Variants in PIK3AP1 observed in about 807,000 individuals in gnomAD.
PIK3AP1 encodes phosphoinositide 3-kinase adapter protein 1.
In PIK3AP1, 21 loss-of-function variants were observed where a neutral mutation model predicts 88.1. That is an observed-to-expected ratio of 0.24 (90% CI 0.17 to 0.34). The LOEUF is 0.34. Ranked by LOEUF, PIK3AP1 falls within the 10% of genes least tolerant of loss-of-function variation. The probability of loss-of-function intolerance (pLI) is 1.00; values close to 1 mark genes in which losing one functional copy is unlikely to be tolerated. For synonymous variants in PIK3AP1, 398 were observed against 400.0 expected, an observed-to-expected ratio of 1.00 and a Z score of 0.06; for missense variants, 828 against 1,035.7, an observed-to-expected ratio of 0.80 and a Z score of 2.75.
chr10:96,601,300 C>T (rs1461835370), intron 16 of PIK3AP1, among the ~76,000 whole-genome samples: 1 of 151,664 alleles, frequency 6.6e-6, no homozygotes, highest in African/African-American at 2.4e-5. Flanking sequence ...ATGGCGAAAC[C>T]CTGTCTCTAC....
At chr10:96,609,603 G>A (rs551430129) in intron 14 of PIK3AP1, 109 bp downstream of exon 14, 2 of 1,311,942 alleles carry the variant, frequency 1.5e-6, no homozygotes, top group African/African-American at 3.0e-5. Context: ...ACCCAAACCA[G>A]GCCCCACTGG....
chr10:96,641,098 T>C (rs942404681), intron 8 of PIK3AP1, among the ~76,000 whole-genome samples: 1 of 120,498 alleles, frequency 8.3e-6, no homozygotes, highest in African/African-American at 2.6e-5. Flanking sequence ...TGTGTGTGTG[T>C]GTGTGTGTGT....
At chr10:96,665,234 T>A (rs1336881858) in intron 2 of PIK3AP1, among the ~76,000 whole-genome samples, 1 of 152,250 alleles carries the variant, frequency 6.6e-6, no homozygotes, top group African/African-American at 2.4e-5. Context: ...TGTGTGCATC[T>A]GGTTCTTCAA....
chr10:96,622,003 C>T (rs565661992), intron 11 of PIK3AP1, among the ~76,000 whole-genome samples: 1 of 152,282 alleles, frequency 6.6e-6, no homozygotes, highest in East Asian at 1.9e-4. Flanking sequence ...AAATCCATAC[C>T]CAGAAGAGAA....
intron 2 of PIK3AP1, among the ~76,000 whole-genome samples, chr10:96,663,149 T>A (rs933378099): frequency 2.6e-5 from 4 of 152,020 alleles, no homozygotes; most frequent in Non-Finnish European, 5.9e-5. Context: ...TTGGCAGGAT[T>A]GTGGGACAAT....
intron 2 of PIK3AP1, among the ~76,000 whole-genome samples, chr10:96,688,318 CGA>C (rs1233610730): frequency 9.9e-5 from 15 of 151,930 alleles, no homozygotes; most frequent in Non-Finnish European, 1.6e-4. Context: ...AATCAAAGGG[CGA>C]GGATAAGTCA....
chr10:96,654,740 G>C (rs185485791), intron 3 of PIK3AP1, among the ~76,000 whole-genome samples: 31 of 152,360 alleles, frequency 2.0e-4, no homozygotes, highest in African/African-American at 7.5e-4. Flanking sequence ...TCACAGAGGA[G>C]AGTGAAGGAG....
chr10:96,677,381 C>T (rs1320355363), intron 2 of PIK3AP1, among the ~76,000 whole-genome samples: 5 of 152,186 alleles, frequency 3.3e-5, no homozygotes, highest in Non-Finnish European at 7.3e-5. Context: ...TTCTCACACT[C>T]ATATCCCGAG....
At chr10:96,597,271 T>TTTCTTTCCTTCCTTCCTTCC (rs1373374065) in intron 16 of PIK3AP1, among the ~76,000 whole-genome samples, 21 of 107,608 alleles carry the variant, frequency 2.0e-4, no homozygotes, top group Admixed American at 8.2e-4. Flanking sequence ...TCTTTCTTTC[T>TTTCTTTCCTTCCTTCCTTCC]TTCCTTCCTT....
chr10:96,628,468 T>G lies in PIK3AP1; in HGVS notation c.1401A>C (p.Thr467=), dbSNP rs1197639165. The change falls in exon 9 of 17, where the codon ACA becomes ACC. Residue 467 remains threonine (T), a synonymous_variant. Coordinates refer to ENST00000339364, the MANE Select transcript of PIK3AP1 (RefSeq NM_152309.3). ...AACCATCTCCAGGGATTGGGTTAGA[T>G]GTACTGGCCTGAAGCATTTCAACAT... The part of the protein sequence containing the change: ...DLYVEMLQAS[T]SNPIPGDGFS... 5.0e-6 allele frequency: 8 copies of G among 1,613,200 alleles called. No individual in the cohort carries two copies. Among genetic ancestry groups the G allele is most frequent in the Admixed American group, 1.7e-5 (1 of 60,020 alleles).
chr10:96,718,722 TC>T (rs1369688637), intron 1 of PIK3AP1, among the ~76,000 whole-genome samples: 1 of 152,116 alleles, frequency 6.6e-6, no homozygotes, highest in East Asian at 1.9e-4. Context: ...GAGGCCATTT[TC>T]TCAGACTCTT....
intron 14 of PIK3AP1, 97 bp from the exon 15 acceptor site, chr10:96,604,146 A>C: frequency 9.7e-7 from 1 of 1,034,170 alleles, no homozygotes; most frequent in Non-Finnish European, 1.4e-6. Context: ...TGATATAAAT[A>C]ATACATAAGC....
intron 9 of PIK3AP1, 122 bp from the exon 10 acceptor site, chr10:96,627,027 T>C: frequency 1.2e-6 from 1 of 863,562 alleles, no homozygotes; most frequent in Non-Finnish European, 1.9e-6. Context: ...CAAAGGACTT[T>C]CCCCAATATC....
At chr10:96,675,923 G>A (rs1843912000) in intron 2 of PIK3AP1, among the ~76,000 whole-genome samples, 1 of 152,294 alleles carries the variant, frequency 6.6e-6, no homozygotes, top group South Asian at 2.1e-4. Context: ...TCATAGGGAC[G>A]TGGGACATGG....
intron 12 of PIK3AP1, among the ~76,000 whole-genome samples, chr10:96,617,641 T>C (rs1017536900): frequency 6.6e-6 from 1 of 152,124 alleles, no homozygotes; most frequent in South Asian, 2.1e-4. Flanking sequence ...CATGGGGATG[T>C]GGCTGGGGGA....
Position 96,597,935 on chromosome 10 carries a change from GTT to G in PIK3AP1, c.2361-2303_2361-2302del, listed in dbSNP as rs577259065. On this transcript the variant is annotated intron_variant, in intron 16 of 16. Transcript: ENST00000339364. ...GGGCCTATGGGCATACCCTCTCTAG[GTT>G]TCATTCTGAGGAACAACTCCAGCTA... 1.1e-3 allele frequency among the ~76,000 whole-genome samples: 161 copies of G among 152,132 alleles called. 1 individual carries two copies. Among genetic ancestry groups the G allele is most frequent in the African/African-American group, 3.7e-3 (153 of 41,494 alleles).
At chr10:96,623,235 T>A (rs902632113) in intron 11 of PIK3AP1, among the ~76,000 whole-genome samples, 5 of 152,204 alleles carry the variant, frequency 3.3e-5, no homozygotes, top group East Asian at 1.9e-4. Context: ...TTAATTAATT[T>A]ATTTAATTTT....
In PIK3AP1 at chr10:96,720,433, C is replaced by CCCGGGG; in HGVS notation, c.-45_-40dup. Reference sequence around the variant, plus strand: ...GCTCACATCCCTGGCTCGCTGCGTGCCCGGGGCCGGGACCGGGGCCGGCGG... The same window carrying CCCGGGG: ...GCTCACATCCCTGGCTCGCTGCGTGCCCGGGGCCGGGGCCGGGACCGGGGCCGGCGG... On this transcript the variant is annotated 5_prime_UTR_variant, in exon 1 of 17. Coordinates refer to ENST00000339364, the MANE Select transcript of PIK3AP1 (RefSeq NM_152309.3). The surrounding 1 kb of genome is among the most constrained non-coding windows in gnomAD (Gnocchi z 4.6). The CCCGGGG allele has an allele frequency of 8.1e-7, 1 of 1,229,924 alleles. No individual in the cohort carries two copies. Among genetic ancestry groups the CCCGGGG allele is most frequent in the Non-Finnish European group, 1.0e-6 (1 of 983,688 alleles). The allele number at this position is 1,229,924 out of a possible 1,614,324, so 76.2% of individuals were successfully genotyped here.
At chr10:96,623,343 G>GT in intron 11 of PIK3AP1, 129 bp downstream of exon 11, 1 of 913,158 alleles carries the variant, frequency 1.1e-6, no homozygotes, top group African/African-American at 1.7e-5. Flanking sequence ...GACTACAGGC[G>GT]TGAGCCATGA....
Sources: allele counts gnomAD v4.1 joint callset (sites outside exome capture counted in the v4.1 genomes callset), GRCh38; gene constraint gnomAD v4.1.1; non-coding constraint Gnocchi (gnomAD v3.1); transcripts MANE v1.5; gene names NCBI Gene and HGNC (gene_info 2026-07-23, HGNC 2026-07-21).